Variants in SPACA7 observed in about 807,000 individuals in gnomAD.
SPACA7 encodes the protein sperm acrosome-associated protein 7.
SPACA7 carries 19 observed loss-of-function variants against 26.3 expected under a neutral mutation model. The ratio of observed to expected loss-of-function variants is 0.72; its 90% confidence interval spans 0.50 to 1.06. The LOEUF is 1.06. Among genes scored for constraint, SPACA7 ranks in the 50% least tolerant of loss-of-function variants. The pLI, the probability that SPACA7 is intolerant of heterozygous loss-of-function variation, is 0.00. For missense variants in SPACA7, 211 were observed against 229.9 expected (o/e 0.92, Z 0.53); for synonymous variants, 84 against 84.5 (o/e 0.99, Z 0.04).
chr13:112,413,788 A>C (rs1217354190), intron 5 of SPACA7, among the ~76,000 whole-genome samples: 1 of 152,170 alleles, frequency 6.6e-6, no homozygotes, highest in Admixed American at 6.5e-5. Flanking sequence ...GTATATTTTT[A>C]AATGGCCTAA....
chr13:112,430,174 CTGTGTG>C (rs61438595), intron 5 of SPACA7, among the ~76,000 whole-genome samples: 73 of 134,310 alleles, frequency 5.4e-4, no homozygotes, highest in East Asian at 3.2e-3. Flanking sequence ...ATCTCTCTCT[CTGTGTG>C]TGTGTGTGTG....
chr13:112,423,909 G>A (rs1876258464), intron 5 of SPACA7, among the ~76,000 whole-genome samples: 1 of 152,256 alleles, frequency 6.6e-6, no homozygotes, highest in South Asian at 2.1e-4. Context: ...ATCTTCAAAC[G>A]ATTTTTTTAA....
chr13:112,398,569 G>C (rs1260255518), intron 3 of SPACA7, among the ~76,000 whole-genome samples: 1 of 152,144 alleles, frequency 6.6e-6, no homozygotes, highest in African/African-American at 2.4e-5. Flanking sequence ...GTAAAACCAA[G>C]GTCTAGCAAA....
intron 1 of SPACA7, 74 bp from the exon 2 acceptor site, chr13:112,392,947 C>T: frequency 7.3e-7 from 1 of 1,366,126 alleles, no homozygotes. Flanking sequence ...CCCACAAAAC[C>T]ATATCCATTT....
intron 3 of SPACA7, 119 bp downstream of exon 3, chr13:112,398,257 C>T: frequency 1.4e-6 from 1 of 717,822 alleles, no homozygotes; most frequent in Non-Finnish European, 2.4e-6. Flanking sequence ...ATTTCTGGGG[C>T]AAGGGCACAT....
chr13:112,382,541 G>T (rs1169913605), intron 1 of SPACA7: 3 of 1,546,364 alleles, frequency 1.9e-6, no homozygotes, highest in Non-Finnish European at 2.6e-6. Flanking sequence ...CAACTATCTG[G>T]GCGACACATG....
chr13:112,433,948 G>T (rs368374517), intron 6 of SPACA7, among the ~76,000 whole-genome samples: 31 of 152,222 alleles, frequency 2.0e-4, no homozygotes, highest in Admixed American at 3.3e-4. Flanking sequence ...TGACTGTTCT[G>T]CAGGGAGAAC....
intron 3 of SPACA7, among the ~76,000 whole-genome samples, chr13:112,398,469 T>C (rs927451416): frequency 2.0e-5 from 3 of 152,116 alleles, no homozygotes; most frequent in Admixed American, 1.3e-4. Context: ...CACTTTACAG[T>C]TCCTCCCACA....
chr13:112,433,585 G>A (rs1371744951), intron 6 of SPACA7, among the ~76,000 whole-genome samples: 1 of 151,344 alleles, frequency 6.6e-6, no homozygotes, highest in African/African-American at 2.4e-5. Context: ...CTCGTCCTTT[G>A]TTAAAATGCC....
chr13:112,403,184 T>C (rs765300378), intron 5 of SPACA7, among the ~76,000 whole-genome samples: 22 of 152,140 alleles, frequency 1.4e-4, no homozygotes, highest in Non-Finnish European at 5.9e-5. Context: ...TCAGGTTTCT[T>C]AATCAATGGG....
intron 5 of SPACA7, among the ~76,000 whole-genome samples, chr13:112,403,262 A>C (rs1885760737): frequency 6.6e-6 from 1 of 152,180 alleles, no homozygotes; most frequent in African/African-American, 2.4e-5. Flanking sequence ...ATGTATTTGA[A>C]TAGAGATCTT....
At chr13:112,418,321 T>C (rs898832840) in intron 5 of SPACA7, among the ~76,000 whole-genome samples, 2 of 152,302 alleles carry the variant, frequency 1.3e-5, no homozygotes, top group South Asian at 4.1e-4. Flanking sequence ...CATAGAAATT[T>C]GGCTGTTAGA....
intron 5 of SPACA7, among the ~76,000 whole-genome samples, chr13:112,407,770 G>C (rs537123138): frequency 6.6e-6 from 1 of 152,290 alleles, no homozygotes; most frequent in Admixed American, 6.5e-5. Context: ...CGGATTCACA[G>C]CCGAATTCTA....
intron 2 of SPACA7, among the ~76,000 whole-genome samples, chr13:112,396,887 A>T (rs1260941674): frequency 1.3e-5 from 2 of 152,046 alleles, no homozygotes; most frequent in Non-Finnish European, 2.9e-5. Flanking sequence ...AGTGCCAGAC[A>T]CCTCGTCCAC....
At chr13:112,379,685 A>C (rs1161159070) in intron 1 of SPACA7, among the ~76,000 whole-genome samples, 1 of 152,252 alleles carries the variant, frequency 6.6e-6, no homozygotes. Context: ...TATCAAATAA[A>C]GCTAATTAGT....
intron 5 of SPACA7, among the ~76,000 whole-genome samples, chr13:112,411,434 G>C (rs1441830035): frequency 6.6e-6 from 1 of 151,984 alleles, no homozygotes; most frequent in Non-Finnish European, 1.5e-5. Context: ...TCATTTCTTT[G>C]GGTTGAGAAC....
At position 112,427,243 on chromosome 13, in the gene SPACA7, A is replaced by G. The variant is rs80230181; in HGVS notation, c.446-5201A>G. 9.2e-3 allele frequency among the ~76,000 whole-genome samples: 1,394 copies of G among 152,324 alleles called. 12 individuals carry two copies. Among genetic ancestry groups the G allele is most frequent in the Non-Finnish European group, 0.012 (820 of 68,030 alleles). On this transcript the variant is annotated intron_variant, in intron 5 of 6. Transcript: ENST00000283550. ...ACGGGAACACAAAAGCAACGTGAAC[A>G]GTGTATGAAAGAATGAGCATGGCTG...
chr13:112,382,295 A>G, intron 1 of SPACA7: 4 of 738,018 alleles, frequency 5.4e-6, no homozygotes, highest in Non-Finnish European at 8.5e-6. Flanking sequence ...CTCTGTTGCC[A>G]GACTGGAGTG....
At chr13:112,383,133 GAAAGAAAGAAAGAA>G (rs1884260758) in intron 1 of SPACA7, among the ~76,000 whole-genome samples, 1 of 3,144 alleles carries the variant, frequency 3.2e-4, no homozygotes, top group Non-Finnish European at 1.2e-3. Context: ...AAGAAAGAAA[GAAAGAAAGAAAGAA>G]AGAAAGAAAG....
Sources: allele counts gnomAD v4.1 joint callset (sites outside exome capture counted in the v4.1 genomes callset), GRCh38; gene constraint gnomAD v4.1.1; transcripts MANE v1.5; gene names NCBI Gene and HGNC (gene_info 2026-07-23, HGNC 2026-07-21).